The following MAP2K6 variants were observed in gnomAD, a reference collection of about 807,000 sequenced individuals.
MAP2K6 encodes the protein mitogen-activated protein kinase kinase 6.
MAP2K6 carries 16 observed loss-of-function variants against 53.7 expected under a neutral mutation model. The observed-to-expected ratio is 0.30, with a 90% CI of 0.20 to 0.45. MAP2K6 has a LOEUF of 0.45. Ranked by LOEUF, MAP2K6 falls within the 20% of genes least tolerant of loss-of-function variation. MAP2K6 has a pLI of 1.00. For missense variants in MAP2K6, 204 were observed against 411.9 expected, an observed-to-expected ratio of 0.50 and a Z score of 4.37; for synonymous variants, 132 against 143.1, an observed-to-expected ratio of 0.92 and a Z score of 0.55.
intron 1 of MAP2K6, among the ~76,000 whole-genome samples, chr17:69,449,601 T>G (rs1405539781): frequency 7.0e-6 from 1 of 143,186 alleles, no homozygotes; most frequent in Admixed American, 7.0e-5. Context: ...TTTTCTTTCT[T>G]TCTCTCTCTT....
intron 3 of MAP2K6, 46 bp downstream of exon 3, chr17:69,516,949 A>G (rs1426160969): frequency 7.1e-7 from 1 of 1,408,898 alleles, no homozygotes; most frequent in African/African-American, 1.4e-5. Context: ...GCCATTTTAT[A>G]TGTATGCTTT....
intron 11 of MAP2K6, among the ~76,000 whole-genome samples, chr17:69,536,859 T>G (rs1349376539): frequency 6.6e-6 from 1 of 151,572 alleles, no homozygotes; most frequent in Non-Finnish European, 1.5e-5. Flanking sequence ...GTTGGGCAGA[T>G]TGCTTGAGCC....
At chr17:69,439,659 T>A (rs1386113872) in intron 1 of MAP2K6, among the ~76,000 whole-genome samples, 2 of 152,224 alleles carry the variant, frequency 1.3e-5, no homozygotes, top group African/African-American at 4.8e-5. Context: ...CTTTGCTCTC[T>A]GTGCACCAAA....
intron 5 of MAP2K6, 185 bp downstream of exon 5, chr17:69,519,617 CA>C (rs1413418917): frequency 2.4e-5 from 15 of 626,636 alleles, no homozygotes; most frequent in Non-Finnish European, 1.8e-5. Context: ...ATGGTATTTT[CA>C]AATGTGGTTA....
In MAP2K6 at chr17:69,437,765, C is replaced by T. The variant is rs141507327; in HGVS notation, c.16+22765C>T. Among the ~76,000 whole-genome samples the T allele has an allele frequency of 5.9e-3, 901 of 152,284 alleles. 13 individuals are homozygous for T. Among genetic ancestry groups the T allele is most frequent in the African/African-American group, 0.02 (851 of 41,554 alleles). On this transcript the variant is annotated intron_variant, in intron 1 of 11. Coordinates refer to ENST00000590474, the MANE Select transcript of MAP2K6 (RefSeq NM_002758.4). ...CCTTCTTCCTGCAGTCCCTGGAAGCCGCTAATCTACTTTCTGCCTCTTTGG... is the reference window on the plus strand; with the variant it reads ...CCTTCTTCCTGCAGTCCCTGGAAGCTGCTAATCTACTTTCTGCCTCTTTGG...
chr17:69,420,197 A>G (rs1312249038), intron 1 of MAP2K6, among the ~76,000 whole-genome samples: 4 of 152,210 alleles, frequency 2.6e-5, no homozygotes, highest in African/African-American at 9.7e-5. Flanking sequence ...AGTCTGAGAA[A>G]TAGCTTACTT....
intron 3 of MAP2K6, 21 bp from the exon 4 acceptor site, chr17:69,517,476 CATT>C (rs1442369527): frequency 7.4e-7 from 1 of 1,356,174 alleles, no homozygotes. Flanking sequence ...TTTCCCATTG[CATT>C]ATTCCTTTTC....
intron 1 of MAP2K6, among the ~76,000 whole-genome samples, chr17:69,475,100 T>C (rs577959105): frequency 2.6e-5 from 4 of 152,274 alleles, no homozygotes; most frequent in Admixed American, 2.6e-4. Context: ...ACTTGTATTT[T>C]CTGAATTAGG....
chr17:69,423,710 T>C (rs1032230877), intron 1 of MAP2K6, among the ~76,000 whole-genome samples: 3 of 152,200 alleles, frequency 2.0e-5, no homozygotes, highest in Non-Finnish European at 4.4e-5. Context: ...ACCCGTCTCC[T>C]TTTGCCCGTC....
chr17:69,443,676 C>T (rs1906886838), intron 1 of MAP2K6, among the ~76,000 whole-genome samples: 1 of 152,092 alleles, frequency 6.6e-6, no homozygotes, highest in African/African-American at 2.4e-5. Context: ...GAGCTCATCA[C>T]TGGGGTTTAG....
chr17:69,519,884 T>C (rs1910375648), intron 5 of MAP2K6: 1 of 221,990 alleles, frequency 4.5e-6, no homozygotes, highest in Non-Finnish European at 8.8e-6. Context: ...AAAACCAGCT[T>C]TTTGACTGAC....
intron 11 of MAP2K6, among the ~76,000 whole-genome samples, chr17:69,537,190 A>G (rs1006436775): frequency 1.3e-5 from 2 of 152,262 alleles, no homozygotes; most frequent in Non-Finnish European, 2.9e-5. Context: ...AAACTTGGCA[A>G]TGCTTTGCTT....
At chr17:69,434,156 A>G (rs977284514) in intron 1 of MAP2K6, 8 of 152,138 alleles carry the variant, frequency 5.3e-5, no homozygotes, top group East Asian at 1.9e-4. Flanking sequence ...AAAGATACCA[A>G]CCTTTACAGA....
intron 2 of MAP2K6, among the ~76,000 whole-genome samples, chr17:69,514,315 C>A (rs578049159): frequency 1.3e-5 from 2 of 152,052 alleles, no homozygotes; most frequent in Admixed American, 6.6e-5. Context: ...TTCCAGAAAC[C>A]TTTTCTGAAG....
intron 1 of MAP2K6, among the ~76,000 whole-genome samples, chr17:69,438,908 C>T (rs957313073): frequency 1.3e-5 from 2 of 152,072 alleles, no homozygotes; most frequent in East Asian, 3.9e-4. Flanking sequence ...ATGCTTTACA[C>T]GAGTCAAAAG....
In MAP2K6 at chr17:69,494,032, C is replaced by G. The variant is rs1308465238; in HGVS notation, c.17-11748C>G. 6.6e-6 allele frequency among the ~76,000 whole-genome samples: 1 copy of G among 152,196 alleles called. No individual in the cohort carries two copies. The highest frequency in any genetic ancestry group is 2.4e-5 in the African/African-American group (1 of 41,442). On this transcript the variant is annotated intron_variant, in intron 1 of 11. Coordinates refer to ENST00000590474, the MANE Select transcript of MAP2K6 (RefSeq NM_002758.4). The surrounding 1 kb of genome is among the most constrained non-coding windows in gnomAD (Gnocchi z 4.2). ...CTGCAAAGTAGTCTTGCCAAACAAT[C>G]TGATCAAGTTGAATCTGATCAATTT...
chr17:69,493,587 C>T (rs2145205525), intron 1 of MAP2K6, among the ~76,000 whole-genome samples: 1 of 152,130 alleles, frequency 6.6e-6, no homozygotes, highest in South Asian at 2.1e-4. Context: ...ATGGCGAAAC[C>T]CCGTCTCTAC....
Position 69,505,780 on chromosome 17 carries a change from G to T in MAP2K6, c.17G>T (p.Gly6Val). ...TTTTTCCTTTTGTCTTTCCCCATAG[G>T]CAAGAAGCGAAACCCTGGCCTTAAA... MSQSK[G>V]KKRNPGLKIP... The change falls in exon 2 of 12, where the codon GGC becomes GTC. Residue 6 changes from glycine to valine, a missense_variant and splice_region_variant. Gly to Val is a moderately radical substitution (Grantham distance 109). Coordinates refer to ENST00000590474, the MANE Select transcript of MAP2K6 (RefSeq NM_002758.4). 6.2e-7 allele frequency: 1 copy of T among 1,613,220 alleles called. No homozygotes were observed. Among genetic ancestry groups the T allele is most frequent in the Non-Finnish European group, 8.5e-7 (1 of 1,179,318 alleles).
chr17:69,515,182 A>G (rs1388589466), intron 2 of MAP2K6, among the ~76,000 whole-genome samples: 2 of 149,160 alleles, frequency 1.3e-5, no homozygotes, highest in Non-Finnish European at 3.0e-5. Context: ...TTTAATACAG[A>G]GTCTCACTCT....
Sources: gnomAD v4.1 joint callset for allele counts (sites outside exome capture counted in the v4.1 genomes callset) on GRCh38, gnomAD v4.1.1 for gene constraint, Gnocchi (gnomAD v3.1) non-coding constraint, MANE v1.5 for transcripts, NCBI Gene and HGNC (gene_info 2026-07-23, HGNC 2026-07-21) for gene names.